The following TBCE variants were observed in gnomAD, a reference collection of about 807,000 sequenced individuals.
The protein encoded by TBCE is tubulin folding cofactor E.
Under a neutral mutation model 77.0 loss-of-function variants are expected in TBCE, and 53 were observed. That is an observed-to-expected ratio of 0.69 (90% CI 0.55 to 0.87). TBCE has a LOEUF of 0.87. Among genes scored for constraint, TBCE ranks in the 40% least tolerant of loss-of-function variants. TBCE has a pLI of 0.00. For synonymous variants in TBCE, 235 were observed against 241.3 expected (o/e 0.97, Z 0.24); for missense variants, 624 against 622.4 (o/e 1.00, Z -0.03).
At chr1:235,435,666 ATGCAG>A in intron 8 of TBCE, 74 bp from the exon 9 acceptor site, 2 of 1,390,464 alleles carry the variant, frequency 1.4e-6, no homozygotes, top group East Asian at 4.6e-5. Context: ...ATCGCACCAA[ATGCAG>A]GGATTTTAAG....
At chr1:235,407,419 A>T (rs932717187) in intron 3 of TBCE, among the ~76,000 whole-genome samples, 1 of 152,106 alleles carries the variant, frequency 6.6e-6, no homozygotes, top group Non-Finnish European at 1.5e-5. Flanking sequence ...AATGTTACAT[A>T]TTGTTCTGAA....
intron 3 of TBCE, among the ~76,000 whole-genome samples, chr1:235,409,654 C>G (rs1281256035): frequency 6.6e-6 from 1 of 151,384 alleles, no homozygotes. Flanking sequence ...CAACTAAACT[C>G]AACAGTAATA....
At chr1:235,417,487 G>T (rs1680171836) in intron 4 of TBCE, among the ~76,000 whole-genome samples, 1 of 152,194 alleles carries the variant, frequency 6.6e-6, no homozygotes, top group South Asian at 2.1e-4. Context: ...TCTTAAATCA[G>T]TGTGGAACTG....
chr1:235,373,635 TTTTTATTTTTATTTTA>T (rs1677110351), intron 1 of TBCE, among the ~76,000 whole-genome samples: 2 of 40,806 alleles, frequency 4.9e-5, no homozygotes, highest in Admixed American at 5.9e-4. Context: ...TTTTTATTTA[TTTTTATTTTTATTTTA>T]TTTTATTTTA....
At position 235,380,069 on chromosome 1, in the gene TBCE, C is replaced by A; in HGVS notation, c.20C>A (p.Ala7Glu). The part of the protein sequence containing the change: MSDTLT[A>E]DVIGRRVEVN... ...ATTATAATGAGTGACACTTTGACAG[C>A]GGATGTCATTGGTCGAAGAGTTGAA... The change falls in exon 2 of 17, where the codon GCG becomes GAG. Residue 7 changes from alanine (A) to glutamate (E), a missense_variant. Physicochemically the swap from Ala to Glu is moderately radical, Grantham distance 107. Coordinates refer to ENST00000642610, the MANE Select transcript of TBCE (RefSeq NM_003193.5). The A allele has an allele frequency of 6.2e-7, 1 of 1,613,160 alleles. No individual in the cohort carries two copies. Among genetic ancestry groups the A allele is most frequent in the Non-Finnish European group, 8.5e-7 (1 of 1,179,638 alleles).
chr1:235,382,875 C>T (rs1238128849), intron 2 of TBCE, among the ~76,000 whole-genome samples: 1 of 151,222 alleles, frequency 6.6e-6, no homozygotes, highest in Non-Finnish European at 1.5e-5. Flanking sequence ...GTGTTTTAGA[C>T]ATGAAGTCCT....
chr1:235,448,193 T>G (rs536344650), intron 15 of TBCE, among the ~76,000 whole-genome samples, 156 bp from the exon 16 acceptor site: 4 of 137,824 alleles, frequency 2.9e-5, no homozygotes, highest in South Asian at 2.3e-4. Flanking sequence ...GAGCAAGACT[T>G]ACTTAAGTAA....
At chr1:235,385,431 A>G (rs913071398) in intron 2 of TBCE, among the ~76,000 whole-genome samples, 3 of 151,900 alleles carry the variant, frequency 2.0e-5, no homozygotes, top group Non-Finnish European at 4.4e-5. Context: ...AAAGTCTCCC[A>G]TTATCATTGT....
intron 5 of TBCE, among the ~76,000 whole-genome samples, chr1:235,420,858 T>A (rs1385801074): frequency 6.6e-6 from 1 of 152,170 alleles, no homozygotes; most frequent in African/African-American, 2.4e-5. Flanking sequence ...ACTCCTGACC[T>A]CAGGTGATTC....
rs1682686877 is a variant in TBCE, at chr1:235,448,849, G to A, written c.*87G>A. The A allele has an allele frequency of 2.0e-6, 2 of 1,024,646 alleles. No homozygotes were observed. Among genetic ancestry groups the A allele is most frequent in the East Asian group, 2.5e-5 (1 of 40,572 alleles). The allele number at this position is 1,024,646 out of a possible 1,614,324, so 63.5% of individuals were successfully genotyped here. A position where few individuals can be genotyped will look rare whatever the true frequency, so the allele number is the denominator to read the frequency against. ...AATGATTCACTGGAACAATTCTACT[G>A]TCAAAACAAAGGGGGTTTACAACTT... On this transcript the variant is annotated 3_prime_UTR_variant, in exon 17 of 17. Coordinates refer to ENST00000642610, the MANE Select transcript of TBCE (RefSeq NM_003193.5).
At chr1:235,426,213 C>T (rs891687329) in intron 5 of TBCE, among the ~76,000 whole-genome samples, 10 of 152,314 alleles carry the variant, frequency 6.6e-5, no homozygotes, top group African/African-American at 2.2e-4. Flanking sequence ...TGCACCTGCA[C>T]CTAGCCCCTC....
Position 235,450,209 on chromosome 1 carries a change from T to A in TBCE, c.*1447T>A. The A allele has an allele frequency of 6.2e-7, 1 of 1,614,156 alleles. No homozygotes were observed. On this transcript the variant is annotated 3_prime_UTR_variant, in exon 17 of 17. Transcript: ENST00000642610. ...ACTCTGCTAATTCAAGTCCCTGTTA[T>A]CTTGCTTGACATCGACAAGGATCAC...
chr1:235,369,876 C>T (rs1042614105), intron 1 of TBCE, among the ~76,000 whole-genome samples: 1 of 151,600 alleles, frequency 6.6e-6, no homozygotes, highest in Non-Finnish European at 1.5e-5. Context: ...GATTATTCAT[C>T]GAAGGTCCTA....
At chr1:235,421,640 C>G (rs575221685) in intron 5 of TBCE, among the ~76,000 whole-genome samples, 2 of 151,840 alleles carry the variant, frequency 1.3e-5, no homozygotes, top group Non-Finnish European at 1.5e-5. Flanking sequence ...ACCCGGGAGG[C>G]GGAGGTTGCA....
At chr1:235,369,304 C>A (rs961055756) in intron 1 of TBCE, among the ~76,000 whole-genome samples, 1 of 150,182 alleles carries the variant, frequency 6.7e-6, no homozygotes, top group Non-Finnish European at 1.5e-5. Flanking sequence ...GTCAAGAGGT[C>A]GAGACCATCC....
chr1:235,422,825 G>A (rs1306178818), intron 5 of TBCE, among the ~76,000 whole-genome samples: 1 of 152,128 alleles, frequency 6.6e-6, no homozygotes. Flanking sequence ...GCGAGACTCC[G>A]TCTCAAAAAA....
At chr1:235,404,022 T>C (rs565762305) in intron 3 of TBCE, among the ~76,000 whole-genome samples, 4 of 152,328 alleles carry the variant, frequency 2.6e-5, no homozygotes, top group African/African-American at 9.6e-5. Flanking sequence ...CTCACGCCTG[T>C]AATCCCAGCA....
intron 4 of TBCE, chr1:235,415,313 A>G (rs1476007043): frequency 1.3e-5 from 2 of 152,528 alleles, no homozygotes; most frequent in Non-Finnish European, 2.9e-5. Flanking sequence ...CTGCTGCACA[A>G]GAACATTCTC....
chr1:235,387,819 G>C (rs374881600), intron 2 of TBCE, among the ~76,000 whole-genome samples: 1 of 152,122 alleles, frequency 6.6e-6, no homozygotes, highest in African/African-American at 2.4e-5. Flanking sequence ...CTTGGATCTC[G>C]TGCAAGAAAG....
Sources: gnomAD v4.1 joint callset for allele counts (sites outside exome capture counted in the v4.1 genomes callset) on GRCh38, gnomAD v4.1.1 for gene constraint, MANE v1.5 for transcripts, NCBI Gene and HGNC (gene_info 2026-07-23, HGNC 2026-07-21) for gene names.